The following TOX variants were observed in gnomAD, a reference collection of about 807,000 sequenced individuals.
TOX encodes thymocyte selection-associated high mobility group box protein TOX.
TOX carries 11 observed loss-of-function variants against 53.7 expected under a neutral mutation model. The observed-to-expected ratio is 0.20, with a 90% CI of 0.13 to 0.34. The LOEUF is 0.34. TOX is among the 10% of genes least tolerant of loss of function. The pLI, the probability that TOX is intolerant of heterozygous loss-of-function variation, is 1.00. For missense variants in TOX, 570 were observed against 664.6 expected (o/e 0.86, Z 1.56); for synonymous variants, 225 against 245.3 (o/e 0.92, Z 0.77).
chr8:59,069,291 C>G (rs1345249261), intron 1 of TOX, among the ~76,000 whole-genome samples: 1 of 152,106 alleles, frequency 6.6e-6, no homozygotes, highest in East Asian at 1.9e-4. Flanking sequence ...AATGAGGATC[C>G]CTCCGTGGAT....
intron 1 of TOX, among the ~76,000 whole-genome samples, chr8:59,028,502 C>G (rs1814285791): frequency 6.6e-6 from 1 of 151,894 alleles, no homozygotes; most frequent in Admixed American, 6.6e-5. Flanking sequence ...TTGGGAAGAT[C>G]TAATATATAG....
At chr8:59,006,770 T>C (rs2129418480) in intron 1 of TOX, among the ~76,000 whole-genome samples, 1 of 152,320 alleles carries the variant, frequency 6.6e-6, no homozygotes, top group Admixed American at 6.5e-5. Context: ...GAGCTAATTG[T>C]AACCATTTAA....
chr8:59,064,382 A>C (rs968619566), intron 1 of TOX, among the ~76,000 whole-genome samples: 1 of 152,190 alleles, frequency 6.6e-6, no homozygotes, highest in Non-Finnish European at 1.5e-5. Flanking sequence ...AAGCAATTTT[A>C]CCCATATTGA....
chr8:58,933,765 T>C (rs937919848), intron 3 of TOX, among the ~76,000 whole-genome samples: 4 of 152,188 alleles, frequency 2.6e-5, no homozygotes, highest in Non-Finnish European at 5.9e-5. Context: ...TTCCATCTTC[T>C]TGGGGGCAGA....
At chr8:58,817,556 T>C (rs1342180523) in intron 6 of TOX, among the ~76,000 whole-genome samples, 3 of 152,214 alleles carry the variant, frequency 2.0e-5, no homozygotes, top group Admixed American at 2.0e-4. Context: ...CTGCAATTCA[T>C]ATGCCTCAAA....
At chr8:59,114,568 T>C (rs1805069348) in intron 1 of TOX, among the ~76,000 whole-genome samples, 1 of 152,192 alleles carries the variant, frequency 6.6e-6, no homozygotes, top group Non-Finnish European at 1.5e-5. Context: ...TTTAATTATA[T>C]ATATGTGATG....
At chr8:58,843,928 G>A (rs567377003) in intron 4 of TOX, among the ~76,000 whole-genome samples, 48 of 152,226 alleles carry the variant, frequency 3.2e-4, no homozygotes, top group South Asian at 1.2e-3. Flanking sequence ...TGTCAGTAAC[G>A]GATGCACTTT....
chr8:59,076,651 T>C (rs1804297800), intron 1 of TOX, among the ~76,000 whole-genome samples: 2 of 152,346 alleles, frequency 1.3e-5, no homozygotes, highest in South Asian at 4.1e-4. Flanking sequence ...TTTATGCTCC[T>C]AATTTTATGC....
chr8:58,865,819 G>T (rs1811087722), intron 3 of TOX, among the ~76,000 whole-genome samples: 7 of 144,350 alleles, frequency 4.8e-5, no homozygotes, highest in South Asian at 4.5e-4. Context: ...TTATGGTAAT[G>T]ACAGTGGCTT....
chr8:58,822,875 T>G (rs534080235), intron 6 of TOX, among the ~76,000 whole-genome samples: 2 of 152,362 alleles, frequency 1.3e-5, no homozygotes, highest in African/African-American at 4.8e-5. Context: ...CCACAGCCAC[T>G]GTGGGCAAGC....
At chr8:58,828,148 A>C (rs1175980497) in intron 5 of TOX, among the ~76,000 whole-genome samples, 1 of 152,224 alleles carries the variant, frequency 6.6e-6, no homozygotes, top group African/African-American at 2.4e-5. Flanking sequence ...ATGGTTTCAA[A>C]TGCTGACTGT....
intron 6 of TOX, among the ~76,000 whole-genome samples, chr8:58,821,761 G>A (rs826726): frequency 0.83 from 125,723 of 152,234 alleles, 52,006 homozygotes; most frequent in East Asian, 0.91. Flanking sequence ...CATGTAATTT[G>A]TATAGATTTG....
rs1390880318 is a variant in TOX at position 59,118,697 on chromosome 8, G to C, written c.102+189C>G. 6.6e-6 allele frequency among the ~76,000 whole-genome samples: 1 copy of C among 152,146 alleles called. No homozygotes were observed. Among genetic ancestry groups the C allele is most frequent in the Non-Finnish European group, 1.5e-5 (1 of 68,020 alleles). On this transcript the variant is annotated intron_variant, in intron 1 of 8. Transcript: ENST00000361421. The surrounding 1 kb of genome is among the most constrained non-coding windows in gnomAD (Gnocchi z 4.1). ...GTGTCACTTTCCGCACAATCGCGGTGTTTGGCAAGCCCCCGGAGCTACTCC... is the reference window on the plus strand; with the variant it reads ...GTGTCACTTTCCGCACAATCGCGGTCTTTGGCAAGCCCCCGGAGCTACTCC...
chr8:58,875,988 G>A (rs1448544), intron 3 of TOX, among the ~76,000 whole-genome samples: 109,808 of 152,056 alleles, frequency 0.72, 40,826 homozygotes, highest in African/African-American at 0.92. Context: ...CTGGTCCTCA[G>A]ATCCTAGATT....
chr8:58,808,669 T>C (rs1169195543), intron 7 of TOX, among the ~76,000 whole-genome samples: 3 of 152,232 alleles, frequency 2.0e-5, no homozygotes, highest in Non-Finnish European at 4.4e-5. Context: ...AGAATCTTTT[T>C]TGAAGGATTC....
Position 58,815,820 on chromosome 8 carries a change from G to A in TOX, c.1006-96C>T, listed in dbSNP as rs1810166950. ...TGAGTTTATTAAAGCACCTTCCCTG[G>A]AATCCATACCCATGACTATCCCGGA... On this transcript the variant is annotated intron_variant, in intron 6 of 8. Coordinates refer to ENST00000361421, the MANE Select transcript of TOX (RefSeq NM_014729.3). The A allele has an allele frequency of 2.2e-6, 3 of 1,365,630 alleles. No individual in the cohort carries two copies. In the East Asian group the frequency reaches 7.0e-5, roughly 32 times the overall value. 84.6% of individuals were successfully genotyped at this position (1,365,630 alleles called of 1,614,324 possible).
At chr8:59,017,434 G>A (rs190095800) in intron 1 of TOX, among the ~76,000 whole-genome samples, 137 of 152,232 alleles carry the variant, frequency 9.0e-4, no homozygotes, top group African/African-American at 3.0e-3. Flanking sequence ...TCCCCTGGAG[G>A]GAAACAGCTT....
At chr8:59,042,885 G>A (rs1429373539) in intron 1 of TOX, among the ~76,000 whole-genome samples, 4 of 152,036 alleles carry the variant, frequency 2.6e-5, no homozygotes, top group Non-Finnish European at 5.9e-5. Flanking sequence ...TATACAATGT[G>A]GAATGACTGA....
intron 1 of TOX, among the ~76,000 whole-genome samples, chr8:59,026,796 C>T (rs914625850): frequency 2.0e-5 from 3 of 151,924 alleles, no homozygotes; most frequent in African/African-American, 4.8e-5. Flanking sequence ...AATTTTCTGC[C>T]TGTCTTGCCC....
Sources: allele counts gnomAD v4.1 joint callset (sites outside exome capture counted in the v4.1 genomes callset), GRCh38; gene constraint gnomAD v4.1.1; non-coding constraint Gnocchi (gnomAD v3.1); transcripts MANE v1.5; gene names NCBI Gene and HGNC (gene_info 2026-07-23, HGNC 2026-07-21).